CEP63: variants seen among roughly 807,000 people sequenced by gnomAD.
CEP63 encodes the protein centrosomal protein of 63 kDa.
CEP63 carries 84 observed loss-of-function variants against 89.1 expected under a neutral mutation model. The observed-to-expected ratio is 0.94, with a 90% CI of 0.79 to 1.13. The LOEUF (loss-of-function observed/expected upper bound fraction) is 1.13. Ranked by LOEUF, CEP63 falls within the 50% of genes most tolerant of loss-of-function variation. CEP63 has a pLI of 0.00. For synonymous variants in CEP63, 267 were observed against 272.5 expected (o/e 0.98, Z 0.20); for missense variants, 838 against 813.3 (o/e 1.03, Z -0.37).
At chr3:134,511,024 C>G (rs9829092) in intron 3 of CEP63, 112,928 of 164,024 alleles carry the variant, frequency 0.69, 39,157 homozygotes, top group East Asian at 0.82. Flanking sequence ...TGCTGTGCTA[C>G]GAATGTCCTT....
At chr3:134,511,792 G>A (rs1270142246) in intron 3 of CEP63, among the ~76,000 whole-genome samples, 2 of 152,092 alleles carry the variant, frequency 1.3e-5, no homozygotes, top group African/African-American at 4.8e-5. Context: ...ACAGCAAGGG[G>A]GAAGTCTGCC....
the CEP63 span, among the ~76,000 whole-genome samples, chr3:134,619,463 G>T: frequency 1.3e-5 from 2 of 152,232 alleles, no homozygotes; most frequent in African/African-American, 4.8e-5. Context: ...GCAGGCCTTG[G>T]CAGAGGGGGC....
chr3:134,660,394 T>C, the CEP63 span, among the ~76,000 whole-genome samples: 1 of 152,220 alleles, frequency 6.6e-6, no homozygotes, highest in Non-Finnish European at 1.5e-5. Context: ...GTATCAACTA[T>C]TATCCTGAGT....
chr3:134,654,214 C>G, the CEP63 span, among the ~76,000 whole-genome samples: 1 of 152,118 alleles, frequency 6.6e-6, no homozygotes, highest in Non-Finnish European at 1.5e-5. Flanking sequence ...GTTCTGCTGT[C>G]TTGGAGATAA....
chr3:134,758,190 C>G, the CEP63 span, among the ~76,000 whole-genome samples: 1 of 152,156 alleles, frequency 6.6e-6, no homozygotes, highest in South Asian at 2.1e-4. Flanking sequence ...AGGACTGTAA[C>G]AACTCTGATT....
At chr3:134,648,525 C>T in the CEP63 span, among the ~76,000 whole-genome samples, 1 of 152,200 alleles carries the variant, frequency 6.6e-6, no homozygotes, top group African/African-American at 2.4e-5. Context: ...AGTATATGCA[C>T]TCTACTTTCT....
chr3:134,527,837 C>T lies in CEP63; in HGVS notation c.223-4008C>T, dbSNP rs529842267. The stretch of plus-strand genomic sequence containing the variant: ...AGGCCAAGGGGTGGTCAGATGAGAC[C>T]GGCCCCATATGATGGACAAGACTAC... On this transcript the variant is annotated intron_variant, in intron 3 of 14. Coordinates refer to ENST00000675561, the MANE Select transcript of CEP63 (RefSeq NM_001353108.3). Among the ~76,000 whole-genome samples the T allele has an allele frequency of 5.9e-5, 9 of 152,314 alleles. No homozygotes were observed. The South Asian group carries it at 6.2e-4, about 11-fold the overall frequency.
the CEP63 span, among the ~76,000 whole-genome samples, chr3:134,662,558 C>A: frequency 7.9e-5 from 12 of 152,162 alleles, no homozygotes; most frequent in East Asian, 1.9e-4. Flanking sequence ...TCCCAACAAC[C>A]TTTTGAGGTG....
chr3:134,620,342 C>G, the CEP63 span, among the ~76,000 whole-genome samples: 1 of 152,102 alleles, frequency 6.6e-6, no homozygotes, highest in African/African-American at 2.4e-5. Context: ...TTTAATGAAC[C>G]CTCTGGTATT....
the CEP63 span, among the ~76,000 whole-genome samples, chr3:134,777,967 A>AAC: frequency 6.6e-5 from 10 of 151,372 alleles, no homozygotes; most frequent in Admixed American, 2.6e-4. Context: ...CAGAATAAAT[A>AAC]ACACACACAC....
At chr3:134,649,064 T>C in the CEP63 span, among the ~76,000 whole-genome samples, 1 of 152,218 alleles carries the variant, frequency 6.6e-6, no homozygotes, top group Non-Finnish European at 1.5e-5. Context: ...ATATCATCTC[T>C]GCCCACCAGG....
At chr3:134,521,230 A>G (rs969577913) in intron 3 of CEP63, among the ~76,000 whole-genome samples, 3 of 152,188 alleles carry the variant, frequency 2.0e-5, no homozygotes, top group Non-Finnish European at 4.4e-5. Flanking sequence ...AACCCTAAAC[A>G]TACACCAGAA....
the CEP63 span, among the ~76,000 whole-genome samples, chr3:134,728,207 T>C: frequency 6.6e-6 from 1 of 152,224 alleles, no homozygotes; most frequent in Non-Finnish European, 1.5e-5. Context: ...TAAGAGTTCT[T>C]AATTTCAGTG....
At chr3:134,673,610 G>A in the CEP63 span, among the ~76,000 whole-genome samples, 1 of 152,240 alleles carries the variant, frequency 6.6e-6, no homozygotes, top group East Asian at 1.9e-4. Context: ...TGGGCCCTTG[G>A]TGCTGCCCTT....
At chr3:134,556,496 T>G (rs1345283105) in intron 12 of CEP63, among the ~76,000 whole-genome samples, 1 of 151,998 alleles carries the variant, frequency 6.6e-6, no homozygotes, top group Non-Finnish European at 1.5e-5. Context: ...GAACTTGATA[T>G]CCCCTAATAA....
At chr3:134,701,154 A>G in the CEP63 span, among the ~76,000 whole-genome samples, 6 of 151,062 alleles carry the variant, frequency 4.0e-5, no homozygotes, top group Non-Finnish European at 7.4e-5. Context: ...ATATACATAC[A>G]TACATTATAT....
intron 1 of CEP63, among the ~76,000 whole-genome samples, chr3:134,491,054 A>G (rs1296225360): frequency 6.6e-6 from 1 of 152,166 alleles, no homozygotes; most frequent in African/African-American, 2.4e-5. Context: ...GTTGTTTTGC[A>G]TTTTTGCCAA....
chr3:134,507,419 G>T (rs1441889093), intron 3 of CEP63, 133 bp downstream of exon 3: 6 of 659,154 alleles, frequency 9.1e-6, no homozygotes, highest in Non-Finnish European at 5.1e-6. Context: ...TAATTCTGCT[G>T]TTTTATTTTA....
At chr3:134,559,849 G>A (rs532008549) in intron 14 of CEP63, among the ~76,000 whole-genome samples, 1 of 152,310 alleles carries the variant, frequency 6.6e-6, no homozygotes, top group African/African-American at 2.4e-5. Flanking sequence ...TCTGATGTGT[G>A]CAGAGCATGG....
Sources: allele counts gnomAD v4.1 joint callset (sites outside exome capture counted in the v4.1 genomes callset), GRCh38; gene constraint gnomAD v4.1.1; transcripts MANE v1.5; gene names NCBI Gene and HGNC (gene_info 2026-07-23, HGNC 2026-07-21).